Variants in JMJD1C observed in about 807,000 individuals in gnomAD.
The protein encoded by JMJD1C is jumonji domain containing 1C, also known as jumonji domain-containing protein 1C.
JMJD1C carries 31 observed loss-of-function variants against 245.3 expected under a neutral mutation model. The observed-to-expected ratio is 0.13, with a 90% CI of 0.09 to 0.17. The LOEUF is 0.17. Ranked by LOEUF, JMJD1C falls within the 10% of genes least tolerant of loss-of-function variation. The pLI, the probability that JMJD1C is intolerant of heterozygous loss-of-function variation, is 1.00. For missense variants in JMJD1C, 2,691 were observed against 3,000.2 expected, an observed-to-expected ratio of 0.90 and a Z score of 2.41; for synonymous variants, 1,057 against 1,017.4, an observed-to-expected ratio of 1.04 and a Z score of -0.74.
chr10:63,275,650 A>C (rs1856708251), intron 2 of JMJD1C, among the ~76,000 whole-genome samples: 1 of 152,240 alleles, frequency 6.6e-6, no homozygotes, highest in African/African-American at 2.4e-5. Flanking sequence ...ATTAAAAAAA[A>C]CTAAAGATTA....
chr10:63,218,531 T>C (rs948869163), intron 4 of JMJD1C, among the ~76,000 whole-genome samples: 4 of 152,082 alleles, frequency 2.6e-5, no homozygotes, highest in African/African-American at 9.7e-5. Flanking sequence ...TAGGACATGC[T>C]TATAGAGTAA....
chr10:63,345,348 G>A lies in JMJD1C; in HGVS notation c.333+34970C>T, dbSNP rs529141245. ...CTAAAGATACAAAAATTAGCCGGGC[G>A]TGGTGGCAGGCACCTGTAATCCCAG... On this transcript the variant is annotated intron_variant, in intron 2 of 25. Transcript: ENST00000399262. 1.6e-3 allele frequency among the ~76,000 whole-genome samples: 240 copies of A among 152,086 alleles called. 2 individuals carry two copies. The highest frequency in any genetic ancestry group is 2.1e-3 in the East Asian group (11 of 5,170).
chr10:63,429,011 A>G (rs982385388), intron 1 of JMJD1C, among the ~76,000 whole-genome samples: 13 of 151,482 alleles, frequency 8.6e-5, no homozygotes, highest in African/African-American at 3.2e-4. Flanking sequence ...ACGGAATTTC[A>G]CTCTTGTTAC....
At position 63,214,147 on chromosome 10, in the gene JMJD1C, C is replaced by A. The variant is rs554677554; in HGVS notation, c.2020G>T (p.Ala674Ser). Residue 674 changes from alanine (A) to serine (S), a missense_variant, in exon 8 of 26, where the codon GCA becomes TCA. By Grantham distance (99) the Ala-to-Ser change is moderately conservative. This residue lies in a region of JMJD1C where 1,562 missense variants were observed against 1,490.7 expected (regional missense o/e 1.05). Coordinates refer to ENST00000399262, the MANE Select transcript of JMJD1C (RefSeq NM_032776.3). ...NSQATGERRL[A>S]NKIEHELSRC... ...GATAGCTCATGTTCTATCTTATTTG[C>A]CAATCTTCTTTCACCAGTAGCTTGG... 5.0e-6 allele frequency: 8 copies of A among 1,614,108 alleles called. No individual in the cohort carries two copies. Among genetic ancestry groups the A allele is most frequent in the East Asian group, 4.5e-5 (2 of 44,872 alleles).
intron 11 of JMJD1C, among the ~76,000 whole-genome samples, chr10:63,200,027 G>A (rs1041413318): frequency 6.6e-6 from 1 of 152,154 alleles, no homozygotes; most frequent in African/African-American, 2.4e-5. Context: ...AAGAGACAGA[G>A]ATGGAATTCA....
chr10:63,441,010 G>A (rs967031602), intron 1 of JMJD1C, among the ~76,000 whole-genome samples: 2 of 152,148 alleles, frequency 1.3e-5, no homozygotes, highest in Non-Finnish European at 2.9e-5. Flanking sequence ...TGAGGTCAGG[G>A]AAAACTTCCT....
At chr10:63,339,712 G>C (rs957267809) in intron 2 of JMJD1C, among the ~76,000 whole-genome samples, 3 of 152,172 alleles carry the variant, frequency 2.0e-5, no homozygotes, top group Non-Finnish European at 4.4e-5. Context: ...GATCACTTGA[G>C]GTCAGGAGTT....
chr10:63,335,733 A>G (rs548741854), intron 2 of JMJD1C, among the ~76,000 whole-genome samples: 3 of 150,832 alleles, frequency 2.0e-5, no homozygotes, highest in African/African-American at 7.3e-5. Context: ...CTGTTCTTGA[A>G]CTCCTGACAT....
At chr10:63,491,530 A>C (rs935254608) in intron 1 of JMJD1C, among the ~76,000 whole-genome samples, 6 of 152,222 alleles carry the variant, frequency 3.9e-5, no homozygotes, top group Non-Finnish European at 8.8e-5. Flanking sequence ...AAAGAAAATG[A>C]AGAAAAGGAA....
chr10:63,434,658 C>T (rs1346735005), intron 1 of JMJD1C, among the ~76,000 whole-genome samples: 1 of 152,008 alleles, frequency 6.6e-6, no homozygotes, highest in Non-Finnish European at 1.5e-5. Flanking sequence ...CGGGAAGGAT[C>T]ACTTGAGCCC....
At chr10:63,222,175 C>A in intron 3 of JMJD1C, 1 of 747,934 alleles carries the variant, frequency 1.3e-6, no homozygotes, top group Non-Finnish European at 2.5e-6. Flanking sequence ...TCAAGTTTAT[C>A]GATATTGTTA....
intron 3 of JMJD1C, among the ~76,000 whole-genome samples, chr10:63,239,225 G>C (rs930380627): frequency 2.6e-5 from 4 of 152,174 alleles, no homozygotes; most frequent in African/African-American, 9.7e-5. Flanking sequence ...GGAATATAGG[G>C]ACAAGTACAC....
chr10:63,245,111 G>A (rs1325109283), intron 3 of JMJD1C, among the ~76,000 whole-genome samples: 1 of 133,018 alleles, frequency 7.5e-6, no homozygotes, highest in African/African-American at 2.8e-5. Flanking sequence ...TCCAGCCTGG[G>A]CAACAGAGTG....
intron 1 of JMJD1C, chr10:63,427,940 GCAGTT>G (rs1447701242): frequency 2.8e-6 from 2 of 709,012 alleles, no homozygotes; most frequent in Non-Finnish European, 5.3e-6. Context: ...AGCAGCAGCA[GCAGTT>G]TGTGTGGCCA....
At chr10:63,257,837 G>A (rs1854168432) in intron 3 of JMJD1C, among the ~76,000 whole-genome samples, 1 of 152,104 alleles carries the variant, frequency 6.6e-6, no homozygotes, top group Middle Eastern at 3.4e-3. Context: ...AAAACTGGGA[G>A]AAGAAAAAAA....
chr10:63,284,714 T>A (rs1857773101), intron 2 of JMJD1C, among the ~76,000 whole-genome samples: 1 of 152,138 alleles, frequency 6.6e-6, no homozygotes, highest in Non-Finnish European at 1.5e-5. Flanking sequence ...TACATACATT[T>A]AAGAAAGATT....
intron 1 of JMJD1C, among the ~76,000 whole-genome samples, chr10:63,460,391 A>T (rs2133083216): frequency 6.6e-6 from 1 of 152,212 alleles, no homozygotes; most frequent in East Asian, 1.9e-4. Flanking sequence ...ATAGTGGCAC[A>T]TGCCTGTAGT....
At chr10:63,421,334 CA>C (rs1429037342) in intron 1 of JMJD1C, among the ~76,000 whole-genome samples, 1 of 151,436 alleles carries the variant, frequency 6.6e-6, no homozygotes, top group African/African-American at 2.4e-5. Flanking sequence ...AACTCCGTCT[CA>C]AAAAAAAGAT....
chr10:63,247,108 A>C (rs1192685681), intron 3 of JMJD1C, among the ~76,000 whole-genome samples: 8 of 138,746 alleles, frequency 5.8e-5, no homozygotes, highest in Non-Finnish European at 1.3e-4. Flanking sequence ...GAGACAAAAA[A>C]AACAAAAACA....
Sources: allele counts gnomAD v4.1 joint callset (sites outside exome capture counted in the v4.1 genomes callset), GRCh38; gene constraint gnomAD v4.1.1; regional missense constraint gnomAD v4.1.1; transcripts MANE v1.5; gene names NCBI Gene and HGNC (gene_info 2026-07-23, HGNC 2026-07-21).